FOCAD: variants seen among roughly 807,000 people sequenced by gnomAD.
The protein encoded by FOCAD is focadhesin.
In FOCAD, 198 loss-of-function variants were observed where a neutral mutation model predicts 225.6. The ratio of observed to expected loss-of-function variants is 0.88; its 90% CI spans 0.78 to 0.99. The LOEUF (loss-of-function observed/expected upper bound fraction) is 0.99. FOCAD is among the 50% of genes least tolerant of loss of function. The probability of loss-of-function intolerance (pLI) is 0.00; values close to 1 mark genes in which losing one functional copy is unlikely to be tolerated. For synonymous variants in FOCAD, 897 were observed against 755.0 expected (o/e 1.19, Z -3.08); for missense variants, 2,713 against 2,123.6 (o/e 1.28, Z -5.46).
chr9:20,748,023 G>C (rs184257410), intron 5 of FOCAD, among the ~76,000 whole-genome samples: 3 of 151,584 alleles, frequency 2.0e-5, no homozygotes, highest in Admixed American at 2.0e-4. Flanking sequence ...TTATCTTATG[G>C]TTTTATTGTC....
intron 11 of FOCAD, among the ~76,000 whole-genome samples, chr9:20,817,298 C>T (rs771543207): frequency 9.9e-5 from 15 of 152,016 alleles, no homozygotes; most frequent in Non-Finnish European, 2.1e-4. Flanking sequence ...ATTACTACAA[C>T]GAATTTGAGA....
Position 20,988,365 on chromosome 9 carries a change from T to C in FOCAD, c.4940T>C (p.Leu1647Pro). 1 of 1,612,042 alleles carries C rather than the reference T, an allele frequency of 6.2e-7. No homozygotes were observed. The highest frequency in any genetic ancestry group is 8.5e-7 in the Non-Finnish European group (1 of 1,178,918). ...AAGAGAATGGAGTGGCTCTTGGAAC[T>C]GATGGGTTATATTAGAAATGTTGCT... Reference protein sequence around the residue: ...VLKRMEWLLELMGYIRNVAYQ... With the variant: ...VLKRMEWLLEPMGYIRNVAYQ... Residue 1647 changes from leucine (L) to proline (P), a missense_variant, in exon 41 of 44, where the codon CTG becomes CCG. Leu to Pro is a moderately conservative substitution (Grantham distance 98). Transcript: ENST00000338382.
rs75635549 is a variant in FOCAD at position 20,811,483 on chromosome 9, G to T, written c.1456-8313G>T. Among the ~76,000 whole-genome samples the T allele has an allele frequency of 6.3e-3, 960 of 152,168 alleles. 12 individuals are homozygous for T. The highest frequency in any genetic ancestry group is 0.022 in the African/African-American group (907 of 41,564). On this transcript the variant is annotated intron_variant, in intron 11 of 43. Transcript: ENST00000338382. ...TATATCACTATAGAAAGATTGTCTGGTTGGGACCTTTGCTAGTTTAGATAC... is the reference window on the plus strand; with the variant it reads ...TATATCACTATAGAAAGATTGTCTGTTTGGGACCTTTGCTAGTTTAGATAC...
chr9:20,815,123 G>GTGTGTTTTTTT (rs1564024181), intron 11 of FOCAD, among the ~76,000 whole-genome samples: 7 of 85,396 alleles, frequency 8.2e-5, no homozygotes, highest in Admixed American at 2.9e-4. Flanking sequence ...ACTTCTCTTT[G>GTGTGTTTTTTT]TTTTTTTTTT....
intron 15 of FOCAD, among the ~76,000 whole-genome samples, chr9:20,857,881 T>C (rs919319239): frequency 1.3e-5 from 2 of 151,826 alleles, no homozygotes; most frequent in Non-Finnish European, 2.9e-5. Context: ...CATTCTGATA[T>C]AACATATTGC....
chr9:20,686,587 T>C (rs969465693), intron 1 of FOCAD, among the ~76,000 whole-genome samples: 1 of 152,228 alleles, frequency 6.6e-6, no homozygotes, highest in Non-Finnish European at 1.5e-5. Flanking sequence ...CTATAACAAA[T>C]CTTGATCTTA....
chr9:20,944,234 T>C (rs1836952408), intron 28 of FOCAD, among the ~76,000 whole-genome samples: 1 of 152,244 alleles, frequency 6.6e-6, no homozygotes, highest in African/African-American at 2.4e-5. Context: ...TCTCTCCTTA[T>C]GCAGCTGATC....
At chr9:20,793,943 G>A (rs1461260320) in intron 11 of FOCAD, among the ~76,000 whole-genome samples, 1 of 152,156 alleles carries the variant, frequency 6.6e-6, no homozygotes, top group African/African-American at 2.4e-5. Flanking sequence ...CTCCATACTT[G>A]TACCGTGGCC....
intron 19 of FOCAD, among the ~76,000 whole-genome samples, chr9:20,880,217 G>A (rs1830554748): frequency 2.0e-5 from 3 of 152,176 alleles, no homozygotes; most frequent in Non-Finnish European, 2.9e-5. Flanking sequence ...ATTTACAGTT[G>A]TGTTGTCAAG....
At chr9:20,712,602 G>T (rs950196209) in intron 1 of FOCAD, among the ~76,000 whole-genome samples, 3 of 151,780 alleles carry the variant, frequency 2.0e-5, no homozygotes, top group African/African-American at 7.3e-5. Flanking sequence ...GCGGAGGTTA[G>T]TGAGCTGAGA....
intron 14 of FOCAD, 38 bp downstream of exon 14, chr9:20,821,109 TA>T: frequency 6.4e-7 from 1 of 1,570,540 alleles, no homozygotes; most frequent in South Asian, 1.2e-5. Flanking sequence ...TATATCATGA[TA>T]TATTATTTTG....
intron 1 of FOCAD, among the ~76,000 whole-genome samples, chr9:20,700,082 A>G (rs8181199): frequency 0.4 from 60,528 of 151,138 alleles, 12,525 homozygotes; most frequent in East Asian, 0.49. Flanking sequence ...TTAGTACCCT[A>G]TAAGTAAAAA....
chr9:20,660,360 A>G (rs1224419635), intron 2 of FOCAD, among the ~76,000 whole-genome samples: 2 of 152,200 alleles, frequency 1.3e-5, no homozygotes, highest in Non-Finnish European at 2.9e-5. Context: ...GAGAAAAAAT[A>G]CCCAAAGTTA....
chr9:20,754,570 G>A (rs1411972510), intron 5 of FOCAD, among the ~76,000 whole-genome samples: 1 of 150,490 alleles, frequency 6.6e-6, no homozygotes, highest in African/African-American at 2.4e-5. Flanking sequence ...TTAACAATTT[G>A]GGACTGGTGC....
chr9:20,942,229 A>G (rs1836737931), intron 28 of FOCAD, among the ~76,000 whole-genome samples: 1 of 152,230 alleles, frequency 6.6e-6, no homozygotes, highest in African/African-American at 2.4e-5. Flanking sequence ...AATAATTGCT[A>G]TGATAAATTT....
At chr9:20,725,548 G>A (rs923307867) in intron 4 of FOCAD, among the ~76,000 whole-genome samples, 5 of 152,148 alleles carry the variant, frequency 3.3e-5, no homozygotes, top group East Asian at 1.9e-4. Context: ...TTTTGAAAGC[G>A]TGAAAGAAAG....
intron 28 of FOCAD, among the ~76,000 whole-genome samples, chr9:20,936,741 A>G (rs978564386): frequency 3.3e-5 from 5 of 152,202 alleles, no homozygotes; most frequent in South Asian, 2.1e-4. Context: ...GACCAGGGCA[A>G]TCAGGCAGGA....
At chr9:20,780,461 A>G (rs1250502033) in intron 9 of FOCAD, among the ~76,000 whole-genome samples, 1 of 152,188 alleles carries the variant, frequency 6.6e-6, no homozygotes, top group African/African-American at 2.4e-5. Context: ...TCTCTCGTAA[A>G]CCAATATCTC....
intron 38 of FOCAD, 121 bp downstream of exon 38, chr9:20,981,807 C>A: frequency 9.1e-7 from 1 of 1,104,760 alleles, no homozygotes; most frequent in Non-Finnish European, 1.3e-6. Flanking sequence ...CAAGAAATAA[C>A]CACATTCTTT....
Sources: gnomAD v4.1 joint callset for allele counts (sites outside exome capture counted in the v4.1 genomes callset) on GRCh38, gnomAD v4.1.1 for gene constraint, MANE v1.5 for transcripts, NCBI Gene and HGNC (gene_info 2026-07-23, HGNC 2026-07-21) for gene names.